EDARADD: variants seen among roughly 807,000 people sequenced by gnomAD.
EDARADD encodes ectodysplasin-A receptor-associated adapter protein.
A neutral mutation model predicts 25.6 loss-of-function variants in EDARADD; 20 were observed. That is an observed-to-expected ratio of 0.78 (90% CI 0.55 to 1.14). EDARADD has a LOEUF of 1.14. Ranked by LOEUF, EDARADD falls within the 50% of genes most tolerant of loss-of-function variation. The pLI is 0.00. For missense variants in EDARADD, 225 were observed against 270.1 expected (o/e 0.83, Z 1.17); for synonymous variants, 86 against 94.4 (o/e 0.91, Z 0.52).
At chr1:236,397,589 C>A (rs868577309) in intron 1 of EDARADD, among the ~76,000 whole-genome samples, 1 of 151,924 alleles carries the variant, frequency 6.6e-6, no homozygotes, top group South Asian at 2.1e-4. Flanking sequence ...GATAAGAGGG[C>A]GTCATGTGGA....
At chr1:236,470,891 C>T (rs1659341787) in intron 5 of EDARADD, among the ~76,000 whole-genome samples, 1 of 152,112 alleles carries the variant, frequency 6.6e-6, no homozygotes, top group South Asian at 2.1e-4. Context: ...TACAGATGCA[C>T]ACCACCACAC....
chr1:236,423,067 G>T (rs1657822082), intron 3 of EDARADD, among the ~76,000 whole-genome samples: 1 of 152,166 alleles, frequency 6.6e-6, no homozygotes, highest in Non-Finnish European at 1.5e-5. Flanking sequence ...GTGGTCCAGA[G>T]ACTTCAGGAG....
At chr1:236,467,791 G>T (rs1253601) in intron 4 of EDARADD, among the ~76,000 whole-genome samples, 64,618 of 150,408 alleles carry the variant, frequency 0.43, 15,439 homozygotes, top group East Asian at 0.6. Context: ...GAGATCTTGC[G>T]CTGTCTTTCA....
intron 4 of EDARADD, among the ~76,000 whole-genome samples, chr1:236,428,280 G>T (rs1207143285): frequency 6.6e-6 from 1 of 152,208 alleles, no homozygotes. Flanking sequence ...AGAGAGCACA[G>T]GGTTGGGGGC....
intron 3 of EDARADD, among the ~76,000 whole-genome samples, chr1:236,386,821 TGG>T (rs1386498147): frequency 1.4e-4 from 5 of 35,358 alleles, no homozygotes; most frequent in African/African-American, 5.8e-4. Context: ...GGGAGGGAGG[TGG>T]GGGGGGTCAG....
intron 3 of EDARADD, among the ~76,000 whole-genome samples, chr1:236,367,570 G>A (rs999422850): frequency 6.6e-6 from 1 of 152,036 alleles, no homozygotes; most frequent in Admixed American, 6.6e-5. Flanking sequence ...TCACTATGTT[G>A]CTCAGGCTGG....
chr1:236,385,089 C>CTTTTTTTTTTTT (rs34509027), intron 3 of EDARADD, among the ~76,000 whole-genome samples: 16 of 121,948 alleles, frequency 1.3e-4, no homozygotes, highest in African/African-American at 5.0e-4. Flanking sequence ...CCTTTTGATT[C>CTTTTTTTTTTTT]TTTTTTTTTT....
chr1:236,405,874 C>CTTCTTTCTTTCT lies in EDARADD; in HGVS notation c.62-3301_62-3290dup, dbSNP rs869205931. Among the ~76,000 whole-genome samples, 198 of 30,862 alleles carry CTTCTTTCTTTCT rather than the reference C, an allele frequency of 6.4e-3. 6 individuals carry two copies. The highest frequency in any genetic ancestry group is 0.017 in the East Asian group (10 of 594). The allele number at this position is 30,862 out of a possible 152,430, so 20.2% of individuals were successfully genotyped here. A position where few individuals can be genotyped will look rare whatever the true frequency, so the allele number is the denominator to read the frequency against. On this transcript the variant is annotated intron_variant, in intron 1 of 5. Transcript: ENST00000334232. ...CCTTCCTTCCTTCCTTCCTTCCTTC[C>CTTCTTTCTTTCT]TTCTTTCTTTCTTTCTTTCTTTCTT...
chr1:236,407,860 C>T (rs1405222604), intron 1 of EDARADD, among the ~76,000 whole-genome samples: 2 of 152,110 alleles, frequency 1.3e-5, no homozygotes, highest in Non-Finnish European at 2.9e-5. Flanking sequence ...CCTTTAAATT[C>T]CTTCAATGCA....
At chr1:236,377,655 C>G (rs576274507) in intron 3 of EDARADD, among the ~76,000 whole-genome samples, 3 of 150,886 alleles carry the variant, frequency 2.0e-5, no homozygotes, top group Non-Finnish European at 4.4e-5. Flanking sequence ...GTCAAGAAAT[C>G]GAGACCATCC....
rs79233817 is a variant in EDARADD, at chr1:236,394,442, G to T, written c.-3G>T. 4 of 1,613,932 alleles carry T rather than the reference G, an allele frequency of 2.5e-6. No homozygotes were observed. The highest frequency in any genetic ancestry group is 3.4e-6 in the Non-Finnish European group (4 of 1,179,964). On this transcript the variant is annotated 5_prime_UTR_variant, in exon 1 of 6. Transcript: ENST00000334232. ...GAATTAAGAAGCCAAACTCAACATCGCCATGGGCCTCAGGACGACTAAACA... is the reference window on the plus strand; with the variant it reads ...GAATTAAGAAGCCAAACTCAACATCTCCATGGGCCTCAGGACGACTAAACA...
intron 1 of EDARADD, among the ~76,000 whole-genome samples, chr1:236,405,874 C>T (rs200289259): frequency 0.044 from 1,329 of 30,050 alleles, 12 homozygotes; most frequent in Middle Eastern, 0.13. Flanking sequence ...TCCTTCCTTC[C>T]TTCTTTCTTT....
rs201123188 is a variant in EDARADD, at chr1:236,395,627, G to T, written c.61+1122G>T. ...GACGCTCGTTTGCCCCTAACCCGCC[G>T]CCATGGCTTCACCGGACGACCCTCT... On this transcript the variant is annotated intron_variant, in intron 1 of 5. Transcript: ENST00000334232. The surrounding 1 kb of genome is among the most constrained non-coding windows in gnomAD (Gnocchi z 6.9). The T allele has an allele frequency of 2.6e-5, 41 of 1,571,756 alleles. No individual in the cohort carries two copies. In the Admixed American group the frequency reaches 5.6e-4, roughly 22 times the overall value.
At chr1:236,428,652 G>A (rs1246025925) in intron 4 of EDARADD, among the ~76,000 whole-genome samples, 1 of 136,850 alleles carries the variant, frequency 7.3e-6, no homozygotes, top group South Asian at 2.5e-4. Flanking sequence ...CTTCCTAGAC[G>A]GGATGGCGGC....
upstream of EDARADD, among the ~76,000 whole-genome samples, chr1:236,390,221 C>T (rs1235540612): frequency 6.6e-6 from 1 of 152,044 alleles, no homozygotes; most frequent in Non-Finnish European, 1.5e-5. Flanking sequence ...GTATTCTCCT[C>T]GGGTGATGGG....
At chr1:236,429,537 C>A (rs902755903) in intron 4 of EDARADD, among the ~76,000 whole-genome samples, 6 of 134,158 alleles carry the variant, frequency 4.5e-5, no homozygotes, top group South Asian at 4.9e-4. Flanking sequence ...GCCACCATGA[C>A]CCGCTAATTT....
At chr1:236,356,979 G>T (rs1477600597) in intron 3 of EDARADD, among the ~76,000 whole-genome samples, 1 of 152,060 alleles carries the variant, frequency 6.6e-6, no homozygotes, top group Non-Finnish European at 1.5e-5. Flanking sequence ...AGCTACTATG[G>T]AGGCTGAGGC....
At chr1:236,377,035 T>G (rs1019109423) in intron 3 of EDARADD, among the ~76,000 whole-genome samples, 16 of 151,554 alleles carry the variant, frequency 1.1e-4, no homozygotes, top group Non-Finnish European at 1.9e-4. Flanking sequence ...TGATTTTTTC[T>G]TAGAATTTCC....
Position 236,397,608 on chromosome 1 carries a change from G to C in EDARADD, c.61+3103G>C, listed in dbSNP as rs927409815. Among the ~76,000 whole-genome samples the C allele has an allele frequency of 9.2e-5, 14 of 152,192 alleles. No individual in the cohort carries two copies. In the East Asian group the frequency reaches 2.3e-3, roughly 25 times the overall value. ...AGAGGGCGTCATGTGGAAAGAATCT[G>C]TCTCTTTGACTTCAAGAGGTAGAAC... On this transcript the variant is annotated intron_variant, in intron 1 of 5. Transcript: ENST00000334232.
Sources: allele counts gnomAD v4.1 joint callset (sites outside exome capture counted in the v4.1 genomes callset), GRCh38; gene constraint gnomAD v4.1.1; non-coding constraint Gnocchi (gnomAD v3.1); transcripts MANE v1.5; gene names NCBI Gene and HGNC (gene_info 2026-07-23, HGNC 2026-07-21).